Variants in EYA2 observed in about 807,000 individuals in gnomAD.
The protein encoded by EYA2 is protein phosphatase EYA2.
In EYA2, 31 loss-of-function variants were observed where a neutral mutation model predicts 69.2. The observed-to-expected ratio is 0.45, with a 90% confidence interval of 0.34 to 0.60. The LOEUF (loss-of-function observed/expected upper bound fraction) is 0.60, where lower values mean the gene tolerates loss of function less well. Among genes scored for constraint, EYA2 ranks in the 20% least tolerant of loss-of-function variants. EYA2 has a pLI of 0.02. For missense variants in EYA2, 622 were observed against 701.2 expected (o/e 0.89, Z 1.28); for synonymous variants, 257 against 279.4 (o/e 0.92, Z 0.80).
At chr20:47,151,696 A>G (rs2146614397) in intron 10 of EYA2, among the ~76,000 whole-genome samples, 1 of 152,102 alleles carries the variant, frequency 6.6e-6, no homozygotes, top group South Asian at 2.1e-4. Context: ...AGATTCTGCC[A>G]TCATATGCTC....
intron 1 of EYA2, among the ~76,000 whole-genome samples, chr20:46,952,580 G>A (rs563000263): frequency 1.2e-4 from 18 of 152,274 alleles, no homozygotes; most frequent in South Asian, 2.1e-4. Context: ...AGCACCCACC[G>A]GAATAAGGAG....
At chr20:47,023,595 A>G (rs917374556) in intron 5 of EYA2, among the ~76,000 whole-genome samples, 1 of 144,722 alleles carries the variant, frequency 6.9e-6, no homozygotes, top group Non-Finnish European at 1.5e-5. Context: ...TTTTCATCCC[A>G]TACATCATTT....
intron 8 of EYA2, among the ~76,000 whole-genome samples, chr20:47,090,117 A>G (rs970601627): frequency 2.0e-5 from 3 of 152,006 alleles, no homozygotes; most frequent in Non-Finnish European, 4.4e-5. Context: ...ACCTCAGACC[A>G]ATTAAATCCT....
intron 5 of EYA2, among the ~76,000 whole-genome samples, chr20:47,064,139 T>C (rs2031017641): frequency 6.6e-6 from 1 of 152,204 alleles, no homozygotes; most frequent in Non-Finnish European, 1.5e-5. Context: ...GTATTTTTAG[T>C]AAAGATGGGA....
chr20:46,907,335 C>T (rs1984409656), intron 1 of EYA2, among the ~76,000 whole-genome samples: 1 of 152,206 alleles, frequency 6.6e-6, no homozygotes, highest in African/African-American at 2.4e-5. Context: ...TCCATGTCTC[C>T]ACATGAGAAG....
chr20:47,046,306 C>T (rs2030035557), intron 5 of EYA2, among the ~76,000 whole-genome samples: 1 of 152,186 alleles, frequency 6.6e-6, no homozygotes, highest in Non-Finnish European at 1.5e-5. Flanking sequence ...AATTAGCTTT[C>T]AACATGTGAA....
At chr20:46,909,075 G>A (rs1464674664) in intron 1 of EYA2, among the ~76,000 whole-genome samples, 1 of 151,666 alleles carries the variant, frequency 6.6e-6, no homozygotes, top group African/African-American at 2.4e-5. Flanking sequence ...GCTCATCATG[G>A]GGAAAGGCAA....
intron 9 of EYA2, among the ~76,000 whole-genome samples, chr20:47,127,804 A>G (rs976660458): frequency 1.3e-5 from 2 of 152,230 alleles, no homozygotes; most frequent in Non-Finnish European, 2.9e-5. Context: ...CAAGCTTCTT[A>G]GAGCAAGGGC....
At chr20:47,069,755 T>C (rs767295004) in intron 5 of EYA2, among the ~76,000 whole-genome samples, 6 of 152,024 alleles carry the variant, frequency 3.9e-5, no homozygotes, top group Non-Finnish European at 7.4e-5. Context: ...ACAAAAATTT[T>C]AAAAAATAAT....
intron 12 of EYA2, among the ~76,000 whole-genome samples, chr20:47,176,164 C>G (rs140028720): frequency 1.6e-3 from 235 of 150,014 alleles, no homozygotes; most frequent in African/African-American, 5.1e-3. Context: ...ACTGCAACCT[C>G]TACCTCCCAG....
chr20:46,957,578 C>CAAAA (rs576647103), intron 1 of EYA2, among the ~76,000 whole-genome samples: 4 of 66,652 alleles, frequency 6.0e-5, no homozygotes, highest in Non-Finnish European at 1.1e-4. Flanking sequence ...CACACACACA[C>CAAAA]GAAGACAATG....
chr20:47,176,030 G>A (rs1006163839), intron 12 of EYA2, among the ~76,000 whole-genome samples: 2 of 151,656 alleles, frequency 1.3e-5, no homozygotes, highest in Admixed American at 6.6e-5. Flanking sequence ...TATATTCAGT[G>A]AGTGGAGGAA....
intron 10 of EYA2, among the ~76,000 whole-genome samples, chr20:47,144,683 A>G (rs2033666494): frequency 6.6e-6 from 1 of 152,230 alleles, no homozygotes; most frequent in Admixed American, 6.5e-5. Context: ...TCACATCTAT[A>G]AAATGGAATT....
chr20:46,915,892 G>A (rs1984882540), intron 1 of EYA2, among the ~76,000 whole-genome samples: 1 of 151,934 alleles, frequency 6.6e-6, no homozygotes, highest in Non-Finnish European at 1.5e-5. Flanking sequence ...TTGTCATCAT[G>A]GCGCTTTCCC....
intron 9 of EYA2, among the ~76,000 whole-genome samples, chr20:47,102,282 G>A (rs967224372): frequency 1.1e-4 from 17 of 152,272 alleles, no homozygotes; most frequent in African/African-American, 4.1e-4. Context: ...TGATTGGCCA[G>A]CCAAATCAAG....
chr20:47,094,033 C>A (rs908341843), intron 8 of EYA2, among the ~76,000 whole-genome samples: 1 of 152,168 alleles, frequency 6.6e-6, no homozygotes, highest in African/African-American at 2.4e-5. Context: ...CTGACCCACC[C>A]ATGGTTAAGG....
chr20:47,167,027 G>A (rs1241656567), intron 10 of EYA2: 1 of 154,828 alleles, frequency 6.5e-6, no homozygotes, highest in African/African-American at 2.4e-5. Flanking sequence ...AGCGTGTCAC[G>A]AGGGCATTTC....
intron 9 of EYA2, among the ~76,000 whole-genome samples, chr20:47,118,867 C>G (rs80273206): frequency 1.3e-5 from 2 of 152,186 alleles, no homozygotes; most frequent in African/African-American, 4.8e-5. Flanking sequence ...CAACTTCCCC[C>G]GCTTTCTTGC....
At chr20:47,159,858 C>T (rs539899257) in intron 10 of EYA2, among the ~76,000 whole-genome samples, 2 of 152,064 alleles carry the variant, frequency 1.3e-5, no homozygotes, top group East Asian at 2.0e-4. Flanking sequence ...GGCATGGTGG[C>T]GCATGCCTGT....
Sources: gnomAD v4.1 joint callset for allele counts (sites outside exome capture counted in the v4.1 genomes callset) on GRCh38, gnomAD v4.1.1 for gene constraint, MANE v1.5 for transcripts, NCBI Gene and HGNC (gene_info 2026-07-23, HGNC 2026-07-21) for gene names.